The following MALRD1 variants were observed in gnomAD, a reference collection of about 807,000 sequenced individuals.
MALRD1 encodes the protein MAM and LDL-receptor class A domain-containing protein 1.
MALRD1 carries 247 observed loss-of-function variants against 242.1 expected under a neutral mutation model. The observed-to-expected ratio is 1.02, with a 90% CI of 0.92 to 1.13. MALRD1 has a LOEUF of 1.13. Among genes scored for constraint, MALRD1 ranks in the 50% most tolerant of loss-of-function variants. The probability of loss-of-function intolerance (pLI) is 0.00; values close to 1 mark genes in which losing one functional copy is unlikely to be tolerated. For synonymous variants in MALRD1, 995 were observed against 866.6 expected, an observed-to-expected ratio of 1.15 and a Z score of -2.60; for missense variants, 2,989 against 2,533.1, an observed-to-expected ratio of 1.18 and a Z score of -3.86.
chr10:19,189,171 C>A (rs1835868767), intron 14 of MALRD1, among the ~76,000 whole-genome samples: 1 of 151,892 alleles, frequency 6.6e-6, no homozygotes, highest in African/African-American at 2.4e-5. Flanking sequence ...GATTAGAGTA[C>A]CATATACAAA....
At chr10:19,317,761 T>G (rs1380541960) in intron 21 of MALRD1, among the ~76,000 whole-genome samples, 3 of 152,062 alleles carry the variant, frequency 2.0e-5, no homozygotes. Context: ...TTTTAATTAC[T>G]TAATCTGTGT....
At position 19,048,826 on chromosome 10, in the gene MALRD1, A is replaced by T; in HGVS notation, c.-113A>T. The T allele has an allele frequency of 6.7e-6, 5 of 747,964 alleles. No homozygotes were observed. The allele number at this position is 747,964 out of a possible 1,614,324, so 46.3% of individuals were successfully genotyped here. A position where few individuals can be genotyped will look rare whatever the true frequency, so the allele number is the denominator to read the frequency against. ...AGAGTTGCAGATAGTTACCAATAGTATCCAGTTATAAGAAGCAAATCTGGG... is the reference window on the plus strand; with the variant it reads ...AGAGTTGCAGATAGTTACCAATAGTTTCCAGTTATAAGAAGCAAATCTGGG... On this transcript the variant is annotated 5_prime_UTR_variant, in exon 1 of 40. Transcript: ENST00000454679.
In MALRD1 at chr10:19,552,543, T is replaced by C. The variant is rs553431065; in HGVS notation, c.5479-14959T>C. Among the ~76,000 whole-genome samples, 24 of 152,080 alleles carry C rather than the reference T, an allele frequency of 1.6e-4. No homozygotes were observed. In the South Asian group the frequency reaches 2.3e-3, roughly 14 times the overall value. On this transcript the variant is annotated intron_variant, in intron 32 of 39. Transcript: ENST00000454679. The stretch of plus-strand genomic sequence containing the variant: ...TGCCAGCGCCTGGATTTGTTGATGT[T>C]TTGAATTTTTGTGTGTGTGTGTGTG...
chr10:19,171,050 T>C (rs11008761), intron 13 of MALRD1, among the ~76,000 whole-genome samples: 15,300 of 152,108 alleles, frequency 0.1, 829 homozygotes, highest in East Asian at 0.18. Context: ...AAGATTTCTA[T>C]GTTAATTGCG....
At chr10:19,689,488 C>T (rs1165210052) in intron 36 of MALRD1, among the ~76,000 whole-genome samples, 2 of 152,012 alleles carry the variant, frequency 1.3e-5, no homozygotes, top group African/African-American at 2.4e-5. Context: ...TAGAAAAATG[C>T]ACTCCCTTTT....
chr10:19,241,814 A>G (rs1348528751), intron 18 of MALRD1, among the ~76,000 whole-genome samples: 1 of 152,052 alleles, frequency 6.6e-6, no homozygotes, highest in Non-Finnish European at 1.5e-5. Flanking sequence ...AATGAGACCC[A>G]TTGATTTCTT....
chr10:19,404,158 T>A (rs1401354218), intron 28 of MALRD1, among the ~76,000 whole-genome samples: 1 of 152,100 alleles, frequency 6.6e-6, no homozygotes, highest in Non-Finnish European at 1.5e-5. Flanking sequence ...AGTAAAACTT[T>A]TACAATTTAC....
chr10:19,379,476 T>C (rs946975966), intron 26 of MALRD1, among the ~76,000 whole-genome samples: 4 of 152,198 alleles, frequency 2.6e-5, no homozygotes, highest in East Asian at 1.9e-4. Flanking sequence ...CCATAAATTT[T>C]GATATGCTGA....
intron 36 of MALRD1, among the ~76,000 whole-genome samples, chr10:19,655,631 G>A (rs1345643750): frequency 6.8e-6 from 1 of 147,486 alleles, no homozygotes; most frequent in Non-Finnish European, 1.5e-5. Flanking sequence ...TGCTTTGTGA[G>A]ATATATCTAG....
chr10:19,298,549 CTA>C (rs1157655780), intron 21 of MALRD1, among the ~76,000 whole-genome samples: 1 of 151,824 alleles, frequency 6.6e-6, no homozygotes, highest in African/African-American at 2.4e-5. Context: ...GAGAGAGAGA[CTA>C]TAGGAAATTA....
chr10:19,154,086 G>A (rs912271711), intron 11 of MALRD1, among the ~76,000 whole-genome samples: 4 of 151,986 alleles, frequency 2.6e-5, no homozygotes, highest in East Asian at 3.9e-4. Flanking sequence ...GAACTTGCTC[G>A]CATGCACTGT....
intron 8 of MALRD1, among the ~76,000 whole-genome samples, chr10:19,130,344 C>G (rs1191264349): frequency 6.6e-6 from 1 of 152,112 alleles, no homozygotes; most frequent in Non-Finnish European, 1.5e-5. Context: ...TCCCAGCAAG[C>G]CTCCATGCAA....
chr10:19,589,539 G>A (rs917985209), intron 33 of MALRD1, among the ~76,000 whole-genome samples: 1 of 152,092 alleles, frequency 6.6e-6, no homozygotes, highest in Admixed American at 6.6e-5. Flanking sequence ...CATAAACTAA[G>A]CTTTCATATA....
At chr10:19,530,992 T>C (rs1834387010) in intron 31 of MALRD1, among the ~76,000 whole-genome samples, 1 of 152,220 alleles carries the variant, frequency 6.6e-6, no homozygotes, top group Non-Finnish European at 1.5e-5. Context: ...AAGGGAATTT[T>C]GTGAATCACA....
intron 31 of MALRD1, among the ~76,000 whole-genome samples, chr10:19,500,909 C>T (rs1370386042): frequency 5.3e-5 from 8 of 151,792 alleles, no homozygotes; most frequent in Admixed American, 2.6e-4. Context: ...ATCCCTGTCA[C>T]GGTGGAGCTT....
At chr10:19,380,419 A>G (rs975925901) in intron 26 of MALRD1, among the ~76,000 whole-genome samples, 6 of 151,426 alleles carry the variant, frequency 4.0e-5, no homozygotes, top group African/African-American at 1.5e-4. Context: ...AGTGATTTGT[A>G]TGAATTATTC....
chr10:19,571,927 A>C (rs188224135), intron 33 of MALRD1, among the ~76,000 whole-genome samples: 1 of 152,310 alleles, frequency 6.6e-6, no homozygotes, highest in African/African-American at 2.4e-5. Context: ...TTAACATCCT[A>C]CGATGAAAAA....
intron 24 of MALRD1, among the ~76,000 whole-genome samples, chr10:19,345,116 C>T (rs970655811): frequency 2.0e-5 from 3 of 152,100 alleles, no homozygotes; most frequent in African/African-American, 7.2e-5. Context: ...GAAATTCAAA[C>T]TACTTATTTT....
At position 19,531,246 on chromosome 10, in the gene MALRD1, C is replaced by T. The variant is rs769427279; in HGVS notation, c.5373C>T (p.Ser1791=). Residue 1791 remains serine (S), a synonymous_variant, in exon 32 of 40, where the codon TCC becomes TCT. Coordinates refer to ENST00000454679, the MANE Select transcript of MALRD1 (RefSeq NM_001142308.3). ...ACTCATCTGGCTCCAAGGAAGGATC[C>T]GTTGCCAGAATTACTACTTCCAAAT... ...YVNSSGSKEG[S]VARITTSKSF... 28 of 1,550,252 alleles carry T rather than the reference C, an allele frequency of 1.8e-5. No homozygotes were observed. Among genetic ancestry groups the T allele is most frequent in the Middle Eastern group, 1.7e-4 (1 of 6,014 alleles).
Sources: allele counts gnomAD v4.1 joint callset (sites outside exome capture counted in the v4.1 genomes callset), GRCh38; gene constraint gnomAD v4.1.1; transcripts MANE v1.5; gene names NCBI Gene and HGNC (gene_info 2026-07-23, HGNC 2026-07-21).